The following HEATR5B variants were observed in gnomAD, a reference collection of about 807,000 sequenced individuals.
HEATR5B encodes HEAT repeat-containing protein 5B.
A neutral mutation model predicts 224.1 loss-of-function variants in HEATR5B; 156 were observed. The observed-to-expected ratio is 0.70, with a 90% CI of 0.61 to 0.80. HEATR5B has a LOEUF of 0.80. Among genes scored for constraint, HEATR5B ranks in the 30% least tolerant of loss-of-function variants. HEATR5B has a pLI of 0.00. For synonymous variants in HEATR5B, 1,027 were observed against 893.0 expected (o/e 1.15, Z -2.68); for missense variants, 2,323 against 2,535.5 (o/e 0.92, Z 1.80).
chr2:37,074,744 G>A (rs978162634), intron 5 of HEATR5B, among the ~76,000 whole-genome samples: 2 of 152,184 alleles, frequency 1.3e-5, no homozygotes, highest in Admixed American at 6.5e-5. Flanking sequence ...AAAAGATTGA[G>A]CACATCCTTC....
intron 28 of HEATR5B, among the ~76,000 whole-genome samples, chr2:37,007,614 C>A (rs1188013698): frequency 1.3e-5 from 2 of 152,252 alleles, no homozygotes; most frequent in African/African-American, 4.8e-5. Context: ...GGATTACAGG[C>A]ATGTGCCACT....
intron 24 of HEATR5B, among the ~76,000 whole-genome samples, chr2:37,025,492 A>G (rs1235408737): frequency 6.6e-6 from 1 of 152,074 alleles, no homozygotes; most frequent in Non-Finnish European, 1.5e-5. Flanking sequence ...GGCATCCTCG[A>G]TAGGATGAAA....
Position 37,037,920 on chromosome 2 carries a change from G to C in HEATR5B, c.3151C>G (p.Leu1051Val). Residue 1051 changes from leucine to valine, a missense_variant, in exon 21 of 36, where the codon CTT becomes GTT. Leu to Val is a conservative substitution (Grantham distance 32). Coordinates refer to ENST00000233099, the MANE Select transcript of HEATR5B (RefSeq NM_019024.3). ...GGTGCAAACATGTGAAGCTGCTGAA[G>C]GCAAGATATGGCAGCTGCCTGAACA... ...SLVQAAAISCLQQLHMFAPRH... is the reference protein window; with the variant it reads ...SLVQAAAISCVQQLHMFAPRH... 1 of 1,600,728 alleles carries C rather than the reference G, an allele frequency of 6.2e-7. No homozygotes were observed. The highest frequency in any genetic ancestry group is 8.5e-7 in the Non-Finnish European group (1 of 1,171,626).
At chr2:36,986,153 G>C (rs2148320766) in intron 35 of HEATR5B, among the ~76,000 whole-genome samples, 1 of 152,212 alleles carries the variant, frequency 6.6e-6, no homozygotes, top group African/African-American at 2.4e-5. Flanking sequence ...CATCTTTATG[G>C]AATTTACAAT....
In HEATR5B at chr2:37,027,979, T is replaced by C. The variant is rs1017624122; in HGVS notation, c.3797A>G (p.Asp1266Gly). 6.2e-7 allele frequency: 1 copy of C among 1,614,084 alleles called. No homozygotes were observed. The highest frequency in any genetic ancestry group is 1.1e-5 in the South Asian group (1 of 91,092). ...CAAGGCAAGATCAAAGTGAGCCTGG[T>C]CTGCATTCTCACACAAATTGATGAT... ...CRIINLCENA[D>G]QAHFDLALAR... Residue 1266 changes from aspartate to glycine, a missense_variant, in exon 24 of 36, where the codon GAC becomes GGC. Coordinates refer to ENST00000233099, the MANE Select transcript of HEATR5B (RefSeq NM_019024.3).
At chr2:37,017,626 C>T (rs754318673) in intron 26 of HEATR5B, among the ~76,000 whole-genome samples, 23 of 135,442 alleles carry the variant, frequency 1.7e-4, no homozygotes, top group Admixed American at 1.8e-4. Flanking sequence ...GTGGAGGGTG[C>T]AGTGAGCCAA....
At chr2:37,046,391 C>T (rs1195959989) in intron 18 of HEATR5B, among the ~76,000 whole-genome samples, 3 of 152,108 alleles carry the variant, frequency 2.0e-5, no homozygotes, top group Non-Finnish European at 4.4e-5. Context: ...GTAATCGCAG[C>T]ATTTTGGGAG....
rs139600228 is a variant in HEATR5B at position 37,041,882 on chromosome 2, T to G, written c.2697-590A>C. 2.5e-3 allele frequency among the ~76,000 whole-genome samples: 375 copies of G among 151,886 alleles called. 5 individuals are homozygous for G. Among genetic ancestry groups the G allele is most frequent in the African/African-American group, 8.7e-3 (363 of 41,518 alleles). On this transcript the variant is annotated intron_variant, in intron 18 of 35. Coordinates refer to ENST00000233099, the MANE Select transcript of HEATR5B (RefSeq NM_019024.3). ...TATTCCTTGAAAAGCCAAGACTTAT[T>G]TGAAATATTTTTATATTTTTAAAAA...
At chr2:37,071,218 G>A (rs1671885379) in intron 6 of HEATR5B, among the ~76,000 whole-genome samples, 1 of 151,974 alleles carries the variant, frequency 6.6e-6, no homozygotes, top group South Asian at 2.1e-4. Flanking sequence ...AAGTGAAATA[G>A]GGTTTCACAG....
chr2:37,014,678 T>TA (rs1379169710), intron 26 of HEATR5B, among the ~76,000 whole-genome samples: 3 of 150,026 alleles, frequency 2.0e-5, no homozygotes, highest in Admixed American at 1.4e-4. Flanking sequence ...AAAGGGGACT[T>TA]TAAAAAAAAA....
chr2:37,032,110 A>C (rs1388042343), intron 22 of HEATR5B, among the ~76,000 whole-genome samples: 2 of 152,178 alleles, frequency 1.3e-5, no homozygotes, highest in African/African-American at 4.8e-5. Context: ...CAAGAGGCTA[A>C]CTACCACCCA....
intron 8 of HEATR5B, among the ~76,000 whole-genome samples, chr2:37,066,656 G>A (rs979015072): frequency 2.0e-5 from 3 of 151,950 alleles, no homozygotes; most frequent in African/African-American, 7.3e-5. Flanking sequence ...TACTAATTGA[G>A]AATACATTCT....
At chr2:36,982,541 G>T (rs11124556) in intron 35 of HEATR5B, among the ~76,000 whole-genome samples, 76,086 of 151,686 alleles carry the variant, frequency 0.5, 19,312 homozygotes, top group East Asian at 0.65. Context: ...AGAATTACGC[G>T]TTCTCCCCCT....
intron 26 of HEATR5B, among the ~76,000 whole-genome samples, chr2:37,016,266 C>G (rs1668112872): frequency 6.6e-6 from 1 of 152,062 alleles, no homozygotes; most frequent in African/African-American, 2.4e-5. Context: ...GCGCCTAACA[C>G]CAGGCCCGGC....
At chr2:37,033,484 G>C (rs1408053783) in intron 21 of HEATR5B, among the ~76,000 whole-genome samples, 1 of 152,104 alleles carries the variant, frequency 6.6e-6, no homozygotes, top group Non-Finnish European at 1.5e-5. Flanking sequence ...AAGTTAGGGG[G>C]CAGAGCACAC....
intron 24 of HEATR5B, among the ~76,000 whole-genome samples, chr2:37,021,836 G>A (rs924574852): frequency 1.3e-5 from 2 of 149,352 alleles, no homozygotes; most frequent in Non-Finnish European, 3.0e-5. Flanking sequence ...GCAGTGAGCC[G>A]AGATCACGCA....
intron 27 of HEATR5B, among the ~76,000 whole-genome samples, chr2:37,012,203 G>T (rs910233643): frequency 6.6e-6 from 1 of 151,992 alleles, no homozygotes; most frequent in Non-Finnish European, 1.5e-5. Flanking sequence ...GTGTGCGTGC[G>T]TGTGTGTATA....
In HEATR5B at chr2:37,037,896, G is replaced by A; in HGVS notation, c.3175C>T (p.Pro1059Ser). ...SCLQQLHMFA[P>S]RHVNLSSLVP... Reference sequence around the variant, plus strand: ...AGGCTAGATAGATTGACATGTCGTGGTGCAAACATGTGAAGCTGCTGAAGG... The same window carrying A: ...AGGCTAGATAGATTGACATGTCGTGATGCAAACATGTGAAGCTGCTGAAGG... The change falls in exon 21 of 36, where the codon CCA becomes TCA. Residue 1059 changes from proline (P) to serine (S), a missense_variant. Around this residue, in one of 12 missense-constraint regions of HEATR5B, gnomAD observed 88 missense variants for 86.8 expected, o/e 1.01. Transcript: ENST00000233099. The A allele has an allele frequency of 6.3e-7, 1 of 1,598,526 alleles. No homozygotes were observed. Among genetic ancestry groups the A allele is most frequent in the East Asian group, 2.3e-5 (1 of 44,364 alleles).
At chr2:36,991,655 G>T (rs1666340267) in intron 33 of HEATR5B, among the ~76,000 whole-genome samples, 1 of 152,162 alleles carries the variant, frequency 6.6e-6, no homozygotes, top group East Asian at 1.9e-4. Context: ...TTATTCTAAA[G>T]AACAATATTT....
Sources: allele counts gnomAD v4.1 joint callset (sites outside exome capture counted in the v4.1 genomes callset), GRCh38; gene constraint gnomAD v4.1.1; regional missense constraint gnomAD v4.1.1; transcripts MANE v1.5; gene names NCBI Gene and HGNC (gene_info 2026-07-23, HGNC 2026-07-21).